SLC25A33: variants seen among roughly 807,000 people sequenced by gnomAD.
The protein encoded by SLC25A33 is solute carrier family 25 member 33.
In SLC25A33, 15 loss-of-function variants were observed where a neutral mutation model predicts 35.5. That is an observed-to-expected ratio of 0.42 (90% CI 0.28 to 0.65). SLC25A33 has a LOEUF of 0.65. SLC25A33 is among the 30% of genes least tolerant of loss of function. The pLI is 0.20. For missense variants in SLC25A33, 257 were observed against 398.5 expected (o/e 0.64, Z 3.02); for synonymous variants, 136 against 148.7 (o/e 0.91, Z 0.62).
intron 1 of SLC25A33, among the ~76,000 whole-genome samples, chr1:9,544,241 A>C (rs1643134252): frequency 6.6e-6 from 1 of 152,118 alleles, no homozygotes. Context: ...CCTGCAAATT[A>C]AATCTTTATC....
At chr1:9,553,947 T>C (rs867734018) in intron 2 of SLC25A33, 142 bp downstream of exon 2, 28 of 987,970 alleles carry the variant, frequency 2.8e-5, no homozygotes, top group Middle Eastern at 2.6e-4. Flanking sequence ...TCTTTACCAA[T>C]ACCTTTGAGC....
chr1:9,562,217 G>A (rs1282545088), intron 2 of SLC25A33, among the ~76,000 whole-genome samples: 1 of 151,406 alleles, frequency 6.6e-6, no homozygotes, highest in Non-Finnish European at 1.5e-5. Flanking sequence ...GTATGGTGGT[G>A]TACACCTGTA....
intron 1 of SLC25A33, among the ~76,000 whole-genome samples, chr1:9,552,832 G>A (rs1397710895): frequency 6.6e-6 from 1 of 151,078 alleles, no homozygotes; most frequent in Non-Finnish European, 1.5e-5. Context: ...GGGGTTAGGT[G>A]AAAATGCCAA....
intron 4 of SLC25A33, among the ~76,000 whole-genome samples, chr1:9,572,324 A>G (rs2100405402): frequency 6.6e-6 from 1 of 152,300 alleles, no homozygotes; most frequent in East Asian, 1.9e-4. Context: ...TCTTAAAACC[A>G]GTGTCAGCCG....
At chr1:9,553,428 T>C (rs1452764898) in intron 1 of SLC25A33, among the ~76,000 whole-genome samples, 198 bp from the exon 2 acceptor site, 3 of 151,850 alleles carry the variant, frequency 2.0e-5, no homozygotes, top group Admixed American at 2.0e-4. Context: ...AGAGACAGGG[T>C]TTCACTGTGT....
Position 9,582,246 on chromosome 1 carries a change from G to T in SLC25A33, c.764-53G>T. 1 of 1,588,672 alleles carries T rather than the reference G, an allele frequency of 6.3e-7. No individual in the cohort carries two copies. Among genetic ancestry groups the T allele is most frequent in the Non-Finnish European group, 8.6e-7 (1 of 1,157,206 alleles). On this transcript the variant is annotated intron_variant, in intron 6 of 6. Coordinates refer to ENST00000302692, the MANE Select transcript of SLC25A33 (RefSeq NM_032315.3). This position sits in a 1 kb window ranked among gnomAD's most constrained non-coding sequence, Gnocchi z 4.0. ...GACAGTTTTAAAGTTGTGTGCTGTGGATTCGTTCCCCATTTAATATGTGGC... is the reference window on the plus strand; with the variant it reads ...GACAGTTTTAAAGTTGTGTGCTGTGTATTCGTTCCCCATTTAATATGTGGC...
intron 5 of SLC25A33, among the ~76,000 whole-genome samples, chr1:9,574,274 G>A (rs1557536149): frequency 1.3e-5 from 2 of 151,878 alleles, no homozygotes; most frequent in African/African-American, 2.4e-5. Flanking sequence ...TGTTTTTCTT[G>A]TAGAGATGGA....
chr1:9,560,652 G>C (rs780893111), intron 2 of SLC25A33, among the ~76,000 whole-genome samples: 1 of 152,102 alleles, frequency 6.6e-6, no homozygotes, highest in Middle Eastern at 3.4e-3. Flanking sequence ...TTTGTTTATA[G>C]AAAGTTTATT....
intron 1 of SLC25A33, 71 bp from the exon 2 acceptor site, chr1:9,553,555 A>C (rs1032516985): frequency 1.3e-6 from 2 of 1,555,570 alleles, no homozygotes; most frequent in East Asian, 2.3e-5. Context: ...AAAGAGAGAA[A>C]AGCTAAGCTT....
intron 2 of SLC25A33, among the ~76,000 whole-genome samples, chr1:9,560,380 C>T (rs532175326): frequency 1.3e-5 from 2 of 151,760 alleles, no homozygotes; most frequent in East Asian, 1.9e-4. Context: ...CTGGCTAACA[C>T]GGTGAAACCC....
At chr1:9,574,214 T>A (rs779698944) in intron 5 of SLC25A33, among the ~76,000 whole-genome samples, 109 of 147,148 alleles carry the variant, frequency 7.4e-4, no homozygotes, top group Non-Finnish European at 1.3e-3. Flanking sequence ...CAGCCTCACC[T>A]CCTCAGTAGT....
At chr1:9,547,911 G>T (rs1643204284) in intron 1 of SLC25A33, among the ~76,000 whole-genome samples, 1 of 151,888 alleles carries the variant, frequency 6.6e-6, no homozygotes, top group African/African-American at 2.4e-5. Flanking sequence ...GAGTGCAGGG[G>T]TATGATCACT....
chr1:9,572,207 G>A (rs1251406727), intron 4 of SLC25A33, among the ~76,000 whole-genome samples: 1 of 152,240 alleles, frequency 6.6e-6, no homozygotes, highest in Non-Finnish European at 1.5e-5. Flanking sequence ...TTTACTTAAA[G>A]ATAGGCCAGT....
At chr1:9,560,381 G>C (rs890586172) in intron 2 of SLC25A33, among the ~76,000 whole-genome samples, 1 of 151,922 alleles carries the variant, frequency 6.6e-6, no homozygotes, top group Admixed American at 6.6e-5. Context: ...TGGCTAACAC[G>C]GTGAAACCCT....
rs536550192 is a variant in SLC25A33, at chr1:9,568,783, G to A, written c.314+1422G>A. On this transcript the variant is annotated intron_variant, in intron 3 of 6. Coordinates refer to ENST00000302692, the MANE Select transcript of SLC25A33 (RefSeq NM_032315.3). ...GGAGAATGGCATGAACCCGGGAGGCGGAGCTTGCAGTGAGCTGAGATCGCT... is the reference window on the plus strand; with the variant it reads ...GGAGAATGGCATGAACCCGGGAGGCAGAGCTTGCAGTGAGCTGAGATCGCT... Among the ~76,000 whole-genome samples, 249 of 151,826 alleles carry A rather than the reference G, an allele frequency of 1.6e-3. 1 individual carries two copies. The highest frequency in any genetic ancestry group is 2.7e-3 in the Non-Finnish European group (185 of 67,894).
At chr1:9,548,886 C>A (rs1403991593) in intron 1 of SLC25A33, among the ~76,000 whole-genome samples, 1 of 152,188 alleles carries the variant, frequency 6.6e-6, no homozygotes, top group Non-Finnish European at 1.5e-5. Context: ...GGTGGAAGAA[C>A]CTGCCCTGCT....
At chr1:9,553,853 C>CA in intron 2 of SLC25A33, 48 bp downstream of exon 2, 1 of 1,546,752 alleles carries the variant, frequency 6.5e-7, no homozygotes, top group Non-Finnish European at 8.8e-7. Context: ...CCTGTACCGC[C>CA]ACTGTCAACA....
chr1:9,570,873 T>G (rs1643580852), intron 4 of SLC25A33, among the ~76,000 whole-genome samples: 1 of 151,810 alleles, frequency 6.6e-6, no homozygotes, highest in South Asian at 2.1e-4. Context: ...CCACCATGCC[T>G]GGCTAATTTT....
chr1:9,545,729 G>A (rs1643157241), intron 1 of SLC25A33, among the ~76,000 whole-genome samples: 1 of 150,934 alleles, frequency 6.6e-6, no homozygotes, highest in African/African-American at 2.4e-5. Flanking sequence ...GGAGGCCGAG[G>A]CAGGTGGATC....
Sources: allele counts gnomAD v4.1 joint callset (sites outside exome capture counted in the v4.1 genomes callset), GRCh38; gene constraint gnomAD v4.1.1; non-coding constraint Gnocchi (gnomAD v3.1); transcripts MANE v1.5; gene names NCBI Gene and HGNC (gene_info 2026-07-23, HGNC 2026-07-21).